The following ANK1 variants were observed in gnomAD, a reference collection of about 807,000 sequenced individuals.
The protein encoded by ANK1 is ankyrin-1.
ANK1 carries 51 observed loss-of-function variants against 210.4 expected under a neutral mutation model. The ratio of observed to expected loss-of-function variants is 0.24; its 90% CI spans 0.19 to 0.31. The LOEUF is 0.31. Ranked by LOEUF, ANK1 falls within the 10% of genes least tolerant of loss-of-function variation. The pLI is 1.00. For synonymous variants in ANK1, 967 were observed against 1,025.9 expected (o/e 0.94, Z 1.10); for missense variants, 2,051 against 2,504.4 (o/e 0.82, Z 3.86).
chr8:41,851,288 T>C (rs1438742840), intron 1 of ANK1, among the ~76,000 whole-genome samples: 1 of 152,222 alleles, frequency 6.6e-6, no homozygotes, highest in African/African-American at 2.4e-5. Flanking sequence ...AGGCAGAAGC[T>C]TCCCCGAGGA....
chr8:41,667,059 T>C lies in ANK1; in HGVS notation c.5394+1208A>G, dbSNP rs117486278. On this transcript the variant is annotated intron_variant, in intron 39 of 42. Transcript: ENST00000289734. ...CAGGGATTCAGGAGAAGAGACCCAG[T>C]TAAGATCATGTGTGCTCTGGGAGCA... Among the ~76,000 whole-genome samples, 387 of 152,336 alleles carry C rather than the reference T, an allele frequency of 2.5e-3. 3 individuals carry two copies. In the Middle Eastern group the frequency reaches 0.027, roughly 11 times the overall value.
At chr8:41,701,517 C>T in intron 22 of ANK1, 33 bp downstream of exon 22, 1 of 1,610,100 alleles carries the variant, frequency 6.2e-7, no homozygotes, top group East Asian at 2.2e-5. Context: ...CCCCTCTGTC[C>T]CCACCAGCCT....
At chr8:41,686,423 G>T in intron 35 of ANK1, 140 bp from the exon 36 acceptor site, 1 of 1,047,630 alleles carries the variant, frequency 9.5e-7, no homozygotes, top group Non-Finnish European at 1.5e-6. Flanking sequence ...GCCTCCCTGT[G>T]GGTTTGGTCT....
chr8:41,746,850 C>T (rs1467083937), intron 2 of ANK1, among the ~76,000 whole-genome samples: 1 of 147,662 alleles, frequency 6.8e-6, no homozygotes, highest in African/African-American at 2.5e-5. Context: ...CATCTATGCC[C>T]GAGATCTTGG....
intron 1 of ANK1, among the ~76,000 whole-genome samples, chr8:41,848,041 C>T (rs1166159191): frequency 6.6e-6 from 1 of 151,814 alleles, no homozygotes; most frequent in Non-Finnish European, 1.5e-5. Context: ...AAAACTTAGC[C>T]GGGTGTGATG....
rs536047373 is a variant in ANK1, at chr8:41,792,680, G to T, written c.27+4832C>A. Among the ~76,000 whole-genome samples the T allele has an allele frequency of 1.2e-4, 18 of 152,218 alleles. No individual in the cohort carries two copies. In the South Asian group the frequency reaches 3.7e-3, roughly 32 times the overall value. On this transcript the variant is annotated intron_variant, in intron 1 of 42. Coordinates refer to ENST00000289734, the MANE Select transcript of ANK1 (RefSeq NM_000037.4). The stretch of plus-strand genomic sequence containing the variant: ...GCGGGGAGGTGTGGAAAATGAGGAG[G>T]GCCCTGAGGGAGGTTCTGATGAAGT...
chr8:41,725,649 G>T, intron 6 of ANK1, 112 bp downstream of exon 6: 1 of 1,441,698 alleles, frequency 6.9e-7, no homozygotes, highest in Non-Finnish European at 9.4e-7. Flanking sequence ...AGTGCGCACT[G>T]CCCGCCCTGC....
intron 1 of ANK1, among the ~76,000 whole-genome samples, chr8:41,870,042 C>G (rs1448636541): frequency 6.6e-6 from 1 of 152,016 alleles, no homozygotes; most frequent in Non-Finnish European, 1.5e-5. Context: ...GACATTTTAA[C>G]CAGTGCCCTA....
chr8:41,804,418 G>A lies in ANK1; in HGVS notation c.127-46281C>T, dbSNP rs556904636. On this transcript the variant is annotated intron_variant, in intron 1 of 42. Transcript: ENST00000265709. ...AAACCAGCCCACCCTCAACAGCAGGGAAATTGTCAAAGGGAAGTATATCGA... is the reference window on the plus strand; with the variant it reads ...AAACCAGCCCACCCTCAACAGCAGGAAAATTGTCAAAGGGAAGTATATCGA... 2.0e-5 allele frequency among the ~76,000 whole-genome samples: 3 copies of A among 152,288 alleles called. No individual in the cohort carries two copies. The East Asian group carries it at 5.8e-4, about 29-fold the overall frequency.
intron 1 of ANK1, among the ~76,000 whole-genome samples, chr8:41,814,208 A>C (rs959769949): frequency 6.6e-6 from 1 of 152,078 alleles, no homozygotes; most frequent in Non-Finnish European, 1.5e-5. Context: ...AAAAATACAA[A>C]AATTAGCCGG....
chr8:41,778,690 G>A lies in ANK1; in HGVS notation c.27+18822C>T, dbSNP rs558422451. ...TGTAAAGGAATGATTCGTTGCTAAC[G>A]ATCGTATAGCCTTTACAGCATTAAA... On this transcript the variant is annotated intron_variant, in intron 1 of 42. Coordinates refer to ENST00000289734, the MANE Select transcript of ANK1 (RefSeq NM_000037.4). 6.6e-5 allele frequency among the ~76,000 whole-genome samples: 10 copies of A among 152,336 alleles called. No homozygotes were observed. The South Asian group carries it at 8.3e-4, about 13-fold the overall frequency.
In ANK1 at chr8:41,692,749, C is replaced by T; in HGVS notation, c.3757G>A (p.Glu1253Lys). The part of the protein sequence containing the change: ...VIFAKMNDPR[E>K]GRLRCYCMTD... ...ATGCAGTAGCAGCGCAGGCGCCCCT[C>T]TCGGGGGTCATTCATCTTGGCAAAG... Residue 1253 changes from glutamate to lysine, a missense_variant, in exon 31 of 43, where the codon GAG (glutamate) becomes AAG (lysine). Glu to Lys is a moderately conservative substitution (Grantham distance 56). Transcript: ENST00000289734. 6.2e-7 allele frequency: 1 copy of T among 1,614,108 alleles called. No individual in the cohort carries two copies.
intron 1 of ANK1, among the ~76,000 whole-genome samples, chr8:41,775,096 C>G (rs1190150796): frequency 6.6e-6 from 1 of 152,004 alleles, no homozygotes; most frequent in African/African-American, 2.4e-5. Context: ...GGCTTAAGTA[C>G]TGGCAGTGAA....
chr8:41,831,655 AGAAG>A (rs141382085), intron 1 of ANK1, among the ~76,000 whole-genome samples: 47,248 of 128,150 alleles, frequency 0.37, 9,519 homozygotes, highest in East Asian at 0.72. Context: ...AAAAAAAAAA[AGAAG>A]AAGAAAAAGA....
chr8:41,763,889 CTTTTTTTTTTT>C (rs869100297), intron 1 of ANK1, among the ~76,000 whole-genome samples: 1 of 57,808 alleles, frequency 1.7e-5, no homozygotes, highest in East Asian at 5.8e-4. Context: ...TTCTTTTTTT[CTTTTTTTTTTT>C]TTTTTTTTTT....
In ANK1 at chr8:41,688,171, C is replaced by T. The variant is rs774988675; in HGVS notation, c.4243G>A (p.Gly1415Ser). ...MKMAVISEHLGLSWAELAREL... is the reference protein window; with the variant it reads ...MKMAVISEHLSLSWAELAREL... ...CCCCACTCACCTGCCCAGCTGAGAC[C>T]GAGGTGCTCTGAGATAACAGCCATC... The change falls in exon 35 of 43, where the codon GGT (glycine) becomes AGT (serine). Residue 1415 changes from glycine to serine, a missense_variant. By Grantham distance (56) the Gly-to-Ser change is moderately conservative. Transcript: ENST00000289734. 5 of 1,614,100 alleles carry T rather than the reference C, an allele frequency of 3.1e-6. No homozygotes were observed. The highest frequency in any genetic ancestry group is 4.5e-5 in the East Asian group (2 of 44,894).
rs920548280 is a variant in ANK1 at position 41,694,260 on chromosome 8, C to T, written c.3328-158G>A. On this transcript the variant is annotated intron_variant, in intron 28 of 42. Coordinates refer to ENST00000289734, the MANE Select transcript of ANK1 (RefSeq NM_000037.4). The surrounding 1 kb of genome is among the most constrained non-coding windows in gnomAD (Gnocchi z 5.7). ...ACACGGTGGAGCTTGCCTTCCTGAG[C>T]CCTTTCTCCCCTTCTCCTCTGCTTC... 3.3e-5 allele frequency among the ~76,000 whole-genome samples: 5 copies of T among 152,166 alleles called. No homozygotes were observed. The highest frequency in any genetic ancestry group is 4.8e-5 in the African/African-American group (2 of 41,442).
intron 2 of ANK1, among the ~76,000 whole-genome samples, chr8:41,747,297 G>A (rs370456319): frequency 6.6e-6 from 1 of 152,074 alleles, no homozygotes; most frequent in Non-Finnish European, 1.5e-5. Context: ...TGCTTTCAGC[G>A]TTTCCTCTAA....
At chr8:41,713,029 G>A (rs1826592990) in intron 16 of ANK1, among the ~76,000 whole-genome samples, 1 of 152,182 alleles carries the variant, frequency 6.6e-6, no homozygotes. Flanking sequence ...GCTGCAAGAT[G>A]GGGACACGTG....
Sources: allele counts gnomAD v4.1 joint callset (sites outside exome capture counted in the v4.1 genomes callset), GRCh38; gene constraint gnomAD v4.1.1; non-coding constraint Gnocchi (gnomAD v3.1); transcripts MANE v1.5; gene names NCBI Gene and HGNC (gene_info 2026-07-23, HGNC 2026-07-21).